Variants in AGBL4 observed in about 807,000 individuals in gnomAD.
AGBL4 encodes the protein AGBL carboxypeptidase 4.
Under a neutral mutation model 66.4 loss-of-function variants are expected in AGBL4, and 58 were observed. The observed-to-expected ratio is 0.87, with a 90% CI of 0.71 to 1.09. AGBL4 has a LOEUF of 1.09. Ranked by LOEUF, AGBL4 falls within the 50% of genes least tolerant of loss-of-function variation. The pLI is 0.00. For missense variants in AGBL4, 579 were observed against 631.0 expected, an observed-to-expected ratio of 0.92 and a Z score of 0.88; for synonymous variants, 234 against 222.9, an observed-to-expected ratio of 1.05 and a Z score of -0.44.
At chr1:48,830,911 C>T (rs1029631504) in intron 6 of AGBL4, among the ~76,000 whole-genome samples, 2 of 152,186 alleles carry the variant, frequency 1.3e-5, no homozygotes, top group African/African-American at 4.8e-5. Context: ...TTGTTCTAGA[C>T]ATTCCCATTG....
intron 4 of AGBL4, among the ~76,000 whole-genome samples, chr1:49,065,446 T>C (rs1050430994): frequency 3.9e-5 from 6 of 152,094 alleles, no homozygotes; most frequent in Non-Finnish European, 7.4e-5. Context: ...GAGATGAGAG[T>C]GTACACAATG....
intron 3 of AGBL4, among the ~76,000 whole-genome samples, chr1:49,275,546 AAAGTTACTTTT>A (rs2148394677): frequency 6.6e-6 from 1 of 152,322 alleles, no homozygotes; most frequent in South Asian, 2.1e-4. Context: ...AATAAGACTA[AAAGTTACTTTT>A]AATTTCATAA....
chr1:48,927,500 C>G (rs895809194), intron 5 of AGBL4, among the ~76,000 whole-genome samples: 1 of 152,120 alleles, frequency 6.6e-6, no homozygotes, highest in African/African-American at 2.4e-5. Context: ...GGTGGGGATA[C>G]AGCTAAACCA....
At chr1:49,393,551 A>T (rs377267669) in intron 3 of AGBL4, among the ~76,000 whole-genome samples, 1 of 152,208 alleles carries the variant, frequency 6.6e-6, no homozygotes, top group South Asian at 2.1e-4. Flanking sequence ...GAGCCCAACC[A>T]TACTATTTAG....
intron 4 of AGBL4, among the ~76,000 whole-genome samples, chr1:49,093,697 A>G (rs1345875513): frequency 3.3e-5 from 5 of 152,204 alleles, no homozygotes; most frequent in African/African-American, 1.2e-4. Flanking sequence ...GCAAATTCAC[A>G]GAAATGAAAT....
intron 3 of AGBL4, among the ~76,000 whole-genome samples, chr1:49,601,717 G>C (rs1445875937): frequency 2.6e-5 from 4 of 152,136 alleles, no homozygotes; most frequent in African/African-American, 9.7e-5. Context: ...ATGGATTAGA[G>C]ACTTAAACCT....
At chr1:49,979,390 A>G (rs888972086) in intron 1 of AGBL4, among the ~76,000 whole-genome samples, 6 of 151,562 alleles carry the variant, frequency 4.0e-5, no homozygotes. Context: ...GAACCCGGGA[A>G]GCGGAGCTTG....
At chr1:49,031,678 G>T (rs550697800) in intron 5 of AGBL4, among the ~76,000 whole-genome samples, 1 of 152,214 alleles carries the variant, frequency 6.6e-6, no homozygotes, top group African/African-American at 2.4e-5. Context: ...TAGTCATAAG[G>T]GGGAAAAGGA....
chr1:49,672,687 G>A (rs1053816132), intron 3 of AGBL4, among the ~76,000 whole-genome samples: 1 of 151,980 alleles, frequency 6.6e-6, no homozygotes, highest in African/African-American at 2.4e-5. Flanking sequence ...TTGGGAGGCT[G>A]AGGCAGATGG....
intron 3 of AGBL4, among the ~76,000 whole-genome samples, chr1:49,676,905 T>C (rs1482156055): frequency 6.6e-6 from 1 of 152,110 alleles, no homozygotes; most frequent in Admixed American, 6.6e-5. Flanking sequence ...GCAAAGGATG[T>C]ATAAGCCAAG....
At chr1:49,718,840 T>C (rs886069197) in intron 2 of AGBL4, among the ~76,000 whole-genome samples, 2 of 152,104 alleles carry the variant, frequency 1.3e-5, no homozygotes, top group Non-Finnish European at 2.9e-5. Flanking sequence ...AGCTTTCTAT[T>C]TTCAGAAAGA....
intron 6 of AGBL4, among the ~76,000 whole-genome samples, chr1:48,704,632 G>A (rs917222173): frequency 6.6e-6 from 1 of 151,960 alleles, no homozygotes; most frequent in African/African-American, 2.4e-5. Flanking sequence ...CTAGGCCCAC[G>A]CAAGGTCAGG....
chr1:49,395,816 CATATATATATATGTGT>C (rs1454518259), intron 3 of AGBL4, among the ~76,000 whole-genome samples: 1 of 108,962 alleles, frequency 9.2e-6, no homozygotes, highest in East Asian at 2.3e-4. Flanking sequence ...TATATGTATA[CATATATATATATGTGT>C]ATATATATAT....
At chr1:49,741,750 G>C (rs903173652) in intron 2 of AGBL4, among the ~76,000 whole-genome samples, 2 of 152,092 alleles carry the variant, frequency 1.3e-5, no homozygotes, top group Non-Finnish European at 2.9e-5. Context: ...TTCAACATAC[G>C]AAAATCAATA....
intron 5 of AGBL4, among the ~76,000 whole-genome samples, chr1:49,006,067 G>GT (rs1661768475): frequency 1.3e-5 from 2 of 152,086 alleles, no homozygotes; most frequent in Non-Finnish European, 2.9e-5. Flanking sequence ...AGCTCCCAGC[G>GT]TGAGCGACGC....
At chr1:48,799,892 C>A (rs1645770826) in intron 6 of AGBL4, among the ~76,000 whole-genome samples, 1 of 152,136 alleles carries the variant, frequency 6.6e-6, no homozygotes, top group Non-Finnish European at 1.5e-5. Context: ...CTGTTGGATT[C>A]AGTTAGCTAG....
intron 3 of AGBL4, among the ~76,000 whole-genome samples, chr1:49,484,906 T>C (rs968480230): frequency 6.6e-6 from 1 of 151,804 alleles, no homozygotes; most frequent in Admixed American, 6.6e-5. Flanking sequence ...TTAAAAACTT[T>C]TAAAAATCTT....
chr1:49,688,039 C>A (rs879428552), intron 3 of AGBL4, among the ~76,000 whole-genome samples: 17 of 152,066 alleles, frequency 1.1e-4, no homozygotes, highest in Non-Finnish European at 1.8e-4. Context: ...GGTATGCATC[C>A]CTCAAGCATT....
At chr1:48,765,247 G>C (rs1352678142) in intron 6 of AGBL4, among the ~76,000 whole-genome samples, 1 of 152,118 alleles carries the variant, frequency 6.6e-6, no homozygotes, top group Non-Finnish European at 1.5e-5. Context: ...ATACAATAGA[G>C]ACTCATCAAA....
Sources: allele counts gnomAD v4.1 joint callset (sites outside exome capture counted in the v4.1 genomes callset), GRCh38; gene constraint gnomAD v4.1.1; transcripts MANE v1.5; gene names NCBI Gene and HGNC (gene_info 2026-07-23, HGNC 2026-07-21).